MDFIC2: variants seen among roughly 807,000 people sequenced by gnomAD.
MDFIC2 encodes the protein MyoD family inhibitor domain containing 2.
intron 2 of MDFIC2, among the ~76,000 whole-genome samples, chr3:70,293,292 C>CA (rs1172127100): frequency 6.6e-6 from 1 of 151,914 alleles, no homozygotes; most frequent in Non-Finnish European, 1.5e-5. Context: ...CAATTACATA[C>CA]AATTATCAAA....
intron 2 of MDFIC2, among the ~76,000 whole-genome samples, chr3:70,252,936 C>T (rs183855266): frequency 1.2e-4 from 18 of 151,874 alleles, no homozygotes; most frequent in Admixed American, 2.0e-4. Context: ...AAAAATTAGC[C>T]GGCTGTGGTG....
chr3:70,199,033 G>T (rs913618533), intron 3 of MDFIC2, among the ~76,000 whole-genome samples: 6 of 152,200 alleles, frequency 3.9e-5, no homozygotes, highest in African/African-American at 1.4e-4. Flanking sequence ...AGAAGAGGCT[G>T]TCAGCAGACA....
chr3:70,252,614 G>C (rs1701780020), intron 2 of MDFIC2, among the ~76,000 whole-genome samples: 2 of 152,204 alleles, frequency 1.3e-5, no homozygotes, highest in African/African-American at 4.8e-5. Context: ...AACCGGAGAA[G>C]ATGTGCCCCA....
intron 2 of MDFIC2, among the ~76,000 whole-genome samples, chr3:70,303,839 G>A (rs773898948): frequency 1.3e-5 from 2 of 152,030 alleles, no homozygotes; most frequent in Non-Finnish European, 2.9e-5. Flanking sequence ...GTGCCACCAT[G>A]CCTGTGTAAT....
chr3:70,258,627 C>T (rs992942205), intron 2 of MDFIC2, among the ~76,000 whole-genome samples: 4 of 152,116 alleles, frequency 2.6e-5, no homozygotes, highest in African/African-American at 9.7e-5. Flanking sequence ...TATGCTCTGA[C>T]TTAGCTCTCA....
chr3:70,236,666 G>T (rs1701612386), intron 2 of MDFIC2, among the ~76,000 whole-genome samples: 1 of 152,120 alleles, frequency 6.6e-6, no homozygotes, highest in South Asian at 2.1e-4. Flanking sequence ...CACAATCATG[G>T]CTCGCTGCAG....
intron 2 of MDFIC2, among the ~76,000 whole-genome samples, chr3:70,299,240 G>T (rs1015112983): frequency 6.6e-6 from 1 of 151,990 alleles, no homozygotes; most frequent in African/African-American, 2.4e-5. Flanking sequence ...CTAGAAAGGT[G>T]TTCACATTTA....
chr3:70,302,266 T>G (rs949320100), intron 2 of MDFIC2, among the ~76,000 whole-genome samples: 5 of 152,154 alleles, frequency 3.3e-5, no homozygotes, highest in Non-Finnish European at 7.4e-5. Flanking sequence ...TCTTTTATTT[T>G]TTTTTACTAA....
chr3:70,309,192 G>A (rs1405864872), intron 2 of MDFIC2, among the ~76,000 whole-genome samples: 1 of 152,114 alleles, frequency 6.6e-6, no homozygotes, highest in Non-Finnish European at 1.5e-5. Context: ...AAAGACCGAG[G>A]TTGGAGATTC....
intron 3 of MDFIC2, among the ~76,000 whole-genome samples, chr3:70,198,780 T>C (rs1370470223): frequency 6.6e-6 from 1 of 152,228 alleles, no homozygotes; most frequent in African/African-American, 2.4e-5. Flanking sequence ...ACTCATCTCT[T>C]TGCCAGATTT....
chr3:70,269,882 A>G (rs6792331), intron 2 of MDFIC2, among the ~76,000 whole-genome samples: 1 of 151,970 alleles, frequency 6.6e-6, no homozygotes, highest in Non-Finnish European at 1.5e-5. Context: ...AGTCAAATAT[A>G]AACTTAGAAA....
intron 2 of MDFIC2, among the ~76,000 whole-genome samples, chr3:70,230,112 A>C (rs904477357): frequency 6.6e-6 from 1 of 152,192 alleles, no homozygotes; most frequent in Non-Finnish European, 1.5e-5. Context: ...TATTTACTTA[A>C]GTTTATAGAA....
In MDFIC2 at chr3:70,288,965, G is replaced by C. The variant is rs192843456; in HGVS notation, c.88+22921C>G. 1.5e-4 allele frequency among the ~76,000 whole-genome samples: 23 copies of C among 152,188 alleles called. No homozygotes were observed. The East Asian group carries it at 4.5e-3, about 29-fold the overall frequency. The stretch of plus-strand genomic sequence containing the variant: ...AGCCTATGTGTGTCTCTGCACGTGA[G>C]ATGGGTTTCCTGAATACAGCACACT... On this transcript the variant is annotated intron_variant, in intron 2 of 3. Transcript: ENST00000567252.
At chr3:70,228,193 G>A (rs949210093) in intron 2 of MDFIC2, among the ~76,000 whole-genome samples, 3 of 151,862 alleles carry the variant, frequency 2.0e-5, no homozygotes, top group East Asian at 1.9e-4. Context: ...ATCAAGAAAG[G>A]CATTTTACAG....
chr3:70,246,100 A>C (rs1332820584), intron 2 of MDFIC2, among the ~76,000 whole-genome samples: 1 of 151,788 alleles, frequency 6.6e-6, no homozygotes, highest in Non-Finnish European at 1.5e-5. Flanking sequence ...ACACACCATA[A>C]AAAAAAACCC....
At chr3:70,220,303 T>C (rs1701451306) in intron 2 of MDFIC2, among the ~76,000 whole-genome samples, 2 of 152,108 alleles carry the variant, frequency 1.3e-5, no homozygotes, top group Non-Finnish European at 2.9e-5. Flanking sequence ...CAGTGTCTCA[T>C]GCCTGTAATC....
rs551382850 is a variant in MDFIC2 at position 70,286,374 on chromosome 3, T to C, written c.88+25512A>G. ...GTCAAAGATCAGATAGTTGTAGATA[T>C]GTGGCATTATTTCTGAGGGCTCTGT... On this transcript the variant is annotated intron_variant, in intron 2 of 3. Transcript: ENST00000567252. Among the ~76,000 whole-genome samples, 424 of 152,260 alleles carry C rather than the reference T, an allele frequency of 2.8e-3. 3 individuals are homozygous for C. The highest frequency in any genetic ancestry group is 9.3e-3 in the African/African-American group (388 of 41,540).
intron 2 of MDFIC2, among the ~76,000 whole-genome samples, chr3:70,293,124 C>G: frequency 6.6e-6 from 1 of 150,496 alleles, no homozygotes; most frequent in East Asian, 1.9e-4. Flanking sequence ...CCAACTGCTG[C>G]TCTCCCTCCA....
At chr3:70,211,446 T>C (rs1436025035) in intron 2 of MDFIC2, among the ~76,000 whole-genome samples, 2 of 96,232 alleles carry the variant, frequency 2.1e-5, no homozygotes, top group Admixed American at 1.1e-4. Context: ...CTTCCCTTCC[T>C]TTCCCTTCCC....
Sources: allele counts gnomAD v4.1 joint callset (sites outside exome capture counted in the v4.1 genomes callset), GRCh38; gene constraint gnomAD v4.1.1; transcripts MANE v1.5; gene names NCBI Gene and HGNC (gene_info 2026-07-23, HGNC 2026-07-21).